The following SH3RF3 variants were observed in gnomAD, a reference collection of about 807,000 sequenced individuals.
SH3RF3 encodes SH3 domain containing ring finger 3.
Under a neutral mutation model 66.3 loss-of-function variants are expected in SH3RF3, and 29 were observed. That is an observed-to-expected ratio of 0.44 (90% CI 0.33 to 0.60). The LOEUF is 0.60. SH3RF3 is among the 20% of genes least tolerant of loss of function. The pLI, the probability that SH3RF3 is intolerant of heterozygous loss-of-function variation, is 0.04. For missense variants in SH3RF3, 1,194 were observed against 1,190.9 expected, an observed-to-expected ratio of 1.00 and a Z score of -0.04; for synonymous variants, 583 against 532.0, an observed-to-expected ratio of 1.10 and a Z score of -1.32.
At chr2:109,423,977 C>T (rs570166802) in intron 5 of SH3RF3, among the ~76,000 whole-genome samples, 7 of 152,314 alleles carry the variant, frequency 4.6e-5, no homozygotes, top group East Asian at 1.9e-4. Flanking sequence ...TAGACCCTGG[C>T]GGGCAAAGGT....
intron 4 of SH3RF3, among the ~76,000 whole-genome samples, chr2:109,412,769 A>G (rs1007020061): frequency 2.6e-5 from 4 of 152,166 alleles, no homozygotes; most frequent in African/African-American, 7.2e-5. Context: ...AGATTAAAAA[A>G]TAATAAAATT....
intron 5 of SH3RF3, among the ~76,000 whole-genome samples, chr2:109,428,852 T>C (rs1677111670): frequency 6.6e-6 from 1 of 151,906 alleles, no homozygotes; most frequent in African/African-American, 2.4e-5. Flanking sequence ...AAGGTGAGAG[T>C]TGGGCTCAGG....
chr2:109,389,757 A>C (rs906273806), intron 3 of SH3RF3, among the ~76,000 whole-genome samples: 1 of 152,218 alleles, frequency 6.6e-6, no homozygotes, highest in African/African-American at 2.4e-5. Flanking sequence ...AAAGATACAC[A>C]TTACATATGT....
At chr2:109,163,642 G>A (rs899452861) in intron 1 of SH3RF3, among the ~76,000 whole-genome samples, 11 of 151,768 alleles carry the variant, frequency 7.2e-5, no homozygotes, top group Middle Eastern at 3.4e-3. Flanking sequence ...CTCGTGATCC[G>A]CCCGCCTCGG....
At position 109,494,050 on chromosome 2, in the gene SH3RF3, C is replaced by T. The variant is rs144011245; in HGVS notation, c.2480+3114C>T. ...GAGTCACAGAGTTGGTCTGCCGGCT[C>T]GTGAGAATGACAGACTTTGGGATAG... On this transcript the variant is annotated intron_variant, in intron 9 of 9. Transcript: ENST00000309415. Among the ~76,000 whole-genome samples the T allele has an allele frequency of 3.5e-3, 533 of 152,280 alleles. 4 individuals are homozygous for T. Among genetic ancestry groups the T allele is most frequent in the African/African-American group, 0.012 (503 of 41,562 alleles).
At chr2:109,251,435 A>C (rs1680089589) in intron 1 of SH3RF3, 1 of 713,960 alleles carries the variant, frequency 1.4e-6, no homozygotes, top group Non-Finnish European at 2.6e-6. Flanking sequence ...AGCAAAGCTC[A>C]CCCTCCCGAG....
At chr2:109,228,304 G>A (rs1679420517) in intron 1 of SH3RF3, among the ~76,000 whole-genome samples, 1 of 152,196 alleles carries the variant, frequency 6.6e-6, no homozygotes, top group East Asian at 1.9e-4. Flanking sequence ...ATGAGCAGGT[G>A]CAATAAATGT....
rs557252045 is a variant in SH3RF3, at chr2:109,279,974, C to T, written c.574-67700C>T. 3.5e-3 allele frequency among the ~76,000 whole-genome samples: 530 copies of T among 152,164 alleles called. 1 individual carries two copies. The highest frequency in any genetic ancestry group is 0.012 in the African/African-American group (494 of 41,498). On this transcript the variant is annotated intron_variant, in intron 1 of 9. Transcript: ENST00000309415. ...GGTGAGAGGGCCCCAAAAACACACC[C>T]CCTGGGCCACGGTTTCTCTTAGGCT...
At chr2:109,492,263 C>G (rs1238179904) in intron 9 of SH3RF3, among the ~76,000 whole-genome samples, 1 of 152,230 alleles carries the variant, frequency 6.6e-6, no homozygotes, top group Non-Finnish European at 1.5e-5. Context: ...ATTCACAGCT[C>G]TAAGACTACA....
chr2:109,195,419 C>T (rs1678472612), intron 1 of SH3RF3, among the ~76,000 whole-genome samples: 1 of 152,232 alleles, frequency 6.6e-6, no homozygotes. Context: ...CGGACACCAG[C>T]GTCTGCCACT....
rs375005583 is a variant in SH3RF3 at position 109,304,920 on chromosome 2, G to A, written c.574-42754G>A. Among the ~76,000 whole-genome samples the A allele has an allele frequency of 9.2e-5, 14 of 152,292 alleles. No individual in the cohort carries two copies. The East Asian group carries it at 2.3e-3, about 25-fold the overall frequency. On this transcript the variant is annotated intron_variant, in intron 1 of 9. Transcript: ENST00000309415. ...GAGGTCAAGTGCCAGAGTGAAAACTGCTCGGTTGGGTTTCTGTCCTGTCTG... is the reference window on the plus strand; with the variant it reads ...GAGGTCAAGTGCCAGAGTGAAAACTACTCGGTTGGGTTTCTGTCCTGTCTG...
intron 1 of SH3RF3, among the ~76,000 whole-genome samples, chr2:109,307,254 C>A (rs1388973455): frequency 2.6e-5 from 4 of 152,092 alleles, no homozygotes; most frequent in Non-Finnish European, 5.9e-5. Context: ...TTGTGTGTAG[C>A]CACATTGATT....
At chr2:109,283,341 C>A (rs1257531320) in intron 1 of SH3RF3, among the ~76,000 whole-genome samples, 2 of 152,214 alleles carry the variant, frequency 1.3e-5, no homozygotes, top group African/African-American at 4.8e-5. Flanking sequence ...TCCTTCCTTG[C>A]CACCCCATTG....
chr2:109,358,693 A>G (rs952935182), intron 2 of SH3RF3, among the ~76,000 whole-genome samples: 2 of 152,188 alleles, frequency 1.3e-5, no homozygotes, highest in Non-Finnish European at 2.9e-5. Context: ...ATCCTTTATC[A>G]TAGTTGTCTT....
intron 1 of SH3RF3, among the ~76,000 whole-genome samples, chr2:109,222,340 T>C (rs1182339379): frequency 6.6e-6 from 1 of 152,194 alleles, no homozygotes; most frequent in Non-Finnish European, 1.5e-5. Context: ...TAAAAGAGAT[T>C]TGAATATGTC....
chr2:109,278,219 T>C (rs1433811646), intron 1 of SH3RF3, among the ~76,000 whole-genome samples: 1 of 152,046 alleles, frequency 6.6e-6, no homozygotes, highest in Non-Finnish European at 1.5e-5. Context: ...AGGACTATTT[T>C]CTCTGCACTC....
At chr2:109,329,712 G>T (rs539045436) in intron 1 of SH3RF3, among the ~76,000 whole-genome samples, 64 of 151,932 alleles carry the variant, frequency 4.2e-4, no homozygotes, top group South Asian at 8.3e-4. Flanking sequence ...AAGTAAGAAA[G>T]CAGGAGGAAG....
At chr2:109,445,258 A>G (rs1677673479) in intron 7 of SH3RF3, among the ~76,000 whole-genome samples, 1 of 152,230 alleles carries the variant, frequency 6.6e-6, no homozygotes, top group African/African-American at 2.4e-5. Context: ...TGGGACAGAG[A>G]GAAGATTCAA....
At chr2:109,461,098 C>T (rs1379714016) in intron 8 of SH3RF3, among the ~76,000 whole-genome samples, 1 of 152,248 alleles carries the variant, frequency 6.6e-6, no homozygotes, top group Non-Finnish European at 1.5e-5. Context: ...CATTTTAGGC[C>T]ACTTCCTCAT....
Sources: gnomAD v4.1 joint callset for allele counts (sites outside exome capture counted in the v4.1 genomes callset) on GRCh38, gnomAD v4.1.1 for gene constraint, MANE v1.5 for transcripts, NCBI Gene and HGNC (gene_info 2026-07-23, HGNC 2026-07-21) for gene names.